Variants in MRTFB observed in about 807,000 individuals in gnomAD.
MRTFB encodes the protein myocardin-related transcription factor B.
In MRTFB, 29 loss-of-function variants were observed where a neutral mutation model predicts 104.2. The observed-to-expected ratio is 0.28, with a 90% confidence interval of 0.21 to 0.38. The LOEUF (loss-of-function observed/expected upper bound fraction) is 0.38, where lower values mean the gene tolerates loss of function less well. MRTFB is among the 10% of genes least tolerant of loss of function. The pLI is 1.00. For missense variants in MRTFB, 1,270 were observed against 1,341.6 expected (o/e 0.95, Z 0.83); for synonymous variants, 535 against 519.5 (o/e 1.03, Z -0.41).
chr16:14,052,365 G>T, the MRTFB span, among the ~76,000 whole-genome samples: 1 of 152,122 alleles, frequency 6.6e-6, no homozygotes, highest in Non-Finnish European at 1.5e-5. Context: ...TCACATCGGG[G>T]TATTTAAAAT....
At chr16:14,048,505 G>T in the MRTFB span, among the ~76,000 whole-genome samples, 2 of 152,112 alleles carry the variant, frequency 1.3e-5, no homozygotes, top group Non-Finnish European at 2.9e-5. Flanking sequence ...GTCCAGGGTG[G>T]CTGGAGCCTG....
At chr16:14,006,679 AATG>A in the MRTFB span, among the ~76,000 whole-genome samples, 10 of 151,950 alleles carry the variant, frequency 6.6e-5, no homozygotes, top group Admixed American at 2.6e-4. Flanking sequence ...TTTTCATATA[AATG>A]ATATGTTGTA....
At chr16:14,031,639 C>T in the MRTFB span, among the ~76,000 whole-genome samples, 3 of 152,240 alleles carry the variant, frequency 2.0e-5, no homozygotes, top group East Asian at 3.9e-4. Flanking sequence ...AGCTCCTGGT[C>T]AGAGCCACTA....
chr16:14,029,205 G>A, the MRTFB span, among the ~76,000 whole-genome samples: 94 of 151,584 alleles, frequency 6.2e-4, no homozygotes, highest in African/African-American at 2.3e-3. Context: ...GGAGGCTCAG[G>A]ATCCCTCCTG....
chr16:14,170,954 A>G (rs1358250724), intron 3 of MRTFB, among the ~76,000 whole-genome samples: 1 of 152,082 alleles, frequency 6.6e-6, no homozygotes, highest in African/African-American at 2.4e-5. Context: ...TCCTCCTTTT[A>G]TTAACTTATA....
At chr16:14,094,731 A>G (rs957654771) in intron 2 of MRTFB, among the ~76,000 whole-genome samples, 1 of 152,216 alleles carries the variant, frequency 6.6e-6, no homozygotes, top group African/African-American at 2.4e-5. Context: ...AAACTGCAGT[A>G]TATAATACAG....
chr16:14,214,612 A>G (rs1384564604), intron 6 of MRTFB, among the ~76,000 whole-genome samples: 1 of 152,178 alleles, frequency 6.6e-6, no homozygotes, highest in African/African-American at 2.4e-5. Flanking sequence ...CAGAGACCCA[A>G]CAAGTGAGCG....
Position 14,217,409 on chromosome 16 carries a change from T to C in MRTFB, c.514+122T>C, listed in dbSNP as rs2041475106. 6.3e-6 allele frequency: 5 copies of C among 795,558 alleles called. No individual in the cohort carries two copies. The African/African-American group carries it at 8.6e-5, about 14-fold the overall frequency. The allele number at this position is 795,558 out of a possible 1,614,324, so 49.3% of individuals were successfully genotyped here. The stretch of plus-strand genomic sequence containing the variant: ...TATTGTTTTCTGGGTTAATTAGAAA[T>C]TAACACAGTGATTTGTGTTACTATC... On this transcript the variant is annotated intron_variant, in intron 7 of 16. Transcript: ENST00000571589.
chr16:14,027,204 G>A, the MRTFB span, among the ~76,000 whole-genome samples: 1 of 152,062 alleles, frequency 6.6e-6, no homozygotes, highest in Non-Finnish European at 1.5e-5. Flanking sequence ...CACAAAAAAA[G>A]AATGAACTAA....
At chr16:14,180,399 T>C (rs1014871719) in intron 3 of MRTFB, among the ~76,000 whole-genome samples, 1 of 152,262 alleles carries the variant, frequency 6.6e-6, no homozygotes, top group Admixed American at 6.5e-5. Context: ...AGGAAAGTTC[T>C]TTGTTGTAAA....
intron 12 of MRTFB, 165 bp downstream of exon 12, chr16:14,247,672 A>G: frequency 1.5e-6 from 1 of 645,246 alleles, no homozygotes. Flanking sequence ...CTGAATATCT[A>G]GCACTGTTTT....
At chr16:14,239,520 T>G (rs2042669756) in intron 9 of MRTFB, among the ~76,000 whole-genome samples, 1 of 152,256 alleles carries the variant, frequency 6.6e-6, no homozygotes, top group African/African-American at 2.4e-5. Flanking sequence ...ATTTTCTTTT[T>G]TGTTTGTTTG....
the MRTFB span, among the ~76,000 whole-genome samples, chr16:14,007,913 A>C: frequency 0.028 from 4,299 of 152,166 alleles, 192 homozygotes; most frequent in African/African-American, 0.099. Context: ...GCCTGTTTTT[A>C]ATGGGGTTAT....
the MRTFB span, among the ~76,000 whole-genome samples, chr16:14,058,491 C>T: frequency 2.0e-5 from 3 of 151,790 alleles, no homozygotes; most frequent in African/African-American, 4.8e-5. Flanking sequence ...ATTCTCACAA[C>T]GACTGTGTGA....
At chr16:14,052,939 T>A in the MRTFB span, among the ~76,000 whole-genome samples, 1 of 152,140 alleles carries the variant, frequency 6.6e-6, no homozygotes, top group Non-Finnish European at 1.5e-5. Flanking sequence ...AGCACTTTTT[T>A]AGCTTCCACA....
the MRTFB span, among the ~76,000 whole-genome samples, chr16:14,023,633 A>G: frequency 2.0e-5 from 3 of 149,056 alleles, no homozygotes; most frequent in African/African-American, 5.0e-5. Context: ...ATACATATAC[A>G]TATACATATA....
the MRTFB span, among the ~76,000 whole-genome samples, chr16:14,043,969 AC>A: frequency 1.2e-3 from 185 of 152,344 alleles, no homozygotes; most frequent in Admixed American, 4.6e-3. Flanking sequence ...TGGGAGTATC[AC>A]GGAAGTCTTC....
the MRTFB span, among the ~76,000 whole-genome samples, chr16:14,065,528 T>C: frequency 6.6e-6 from 1 of 152,128 alleles, no homozygotes; most frequent in Non-Finnish European, 1.5e-5. Context: ...GGCATCCTTG[T>C]CTTGTTCTGG....
rs1199474915 is a variant in MRTFB, at chr16:14,246,762, C to T, written c.1502C>T (p.Ser501Phe). ...GCAACCCGTGTGGAAAATGTTCATT[C>T]CCCTCTGCCCATTTCACCATCTCCC... The part of the protein sequence containing the change: ...SNATRVENVH[S>F]PLPISPSPSE... Residue 501 changes from serine (S) to phenylalanine (F), a missense_variant, in exon 12 of 17, where the codon TCC becomes TTC. By Grantham distance (155) the Ser-to-Phe change is radical. Coordinates refer to ENST00000571589, the MANE Select transcript of MRTFB (RefSeq NM_001308142.2). 6.2e-7 allele frequency: 1 copy of T among 1,614,124 alleles called. No individual in the cohort carries two copies.
Sources: allele counts gnomAD v4.1 joint callset (sites outside exome capture counted in the v4.1 genomes callset), GRCh38; gene constraint gnomAD v4.1.1; transcripts MANE v1.5; gene names NCBI Gene and HGNC (gene_info 2026-07-23, HGNC 2026-07-21).